The following ANO5 variants were observed in gnomAD, a reference collection of about 807,000 sequenced individuals.
ANO5 encodes anoctamin 5, also known as anoctamin-5.
In ANO5, 109 loss-of-function variants were observed where a neutral mutation model predicts 121.0. That is an observed-to-expected ratio of 0.90 (90% confidence interval 0.77 to 1.06). ANO5 has a LOEUF of 1.06. Among genes scored for constraint, ANO5 ranks in the 50% least tolerant of loss-of-function variants. The pLI is 0.00. For missense variants in ANO5, 1,064 were observed against 1,078.5 expected (o/e 0.99, Z 0.19); for synonymous variants, 406 against 359.9 (o/e 1.13, Z -1.45).
At position 22,251,022 on chromosome 11, in the gene ANO5, A is replaced by T; in HGVS notation, c.1180+11A>T. The T allele has an allele frequency of 6.2e-7, 1 of 1,603,710 alleles. No homozygotes were observed. The highest frequency in any genetic ancestry group is 8.5e-7 in the Non-Finnish European group (1 of 1,174,090). On this transcript the variant is annotated intron_variant, in intron 12 of 21. Coordinates refer to ENST00000324559, the MANE Select transcript of ANO5 (RefSeq NM_213599.3). ...TCATGGGAATTTGGGGTGAGTAAAT[A>T]GTCCCATAAAGAAACAGCTTTCTTC... is the stretch of plus-strand genomic sequence containing the variant.
rs1453462378 is a variant in ANO5, at chr11:22,276,113, C to A, written c.2434C>A (p.Pro812Thr). ...TTTCAGGTACAGAGATTACAGATAT[C>A]CTCCTGATGACGAGAATAAATATTT... The part of the protein sequence containing the change: ...ITCRYRDYRY[P>T]PDDENKYFHN... Residue 812 changes from proline (P) to threonine (T), a missense_variant, in exon 21 of 22, where the codon CCT becomes ACT. By Grantham distance (38) the Pro-to-Thr change is conservative. Coordinates refer to ENST00000324559, the MANE Select transcript of ANO5 (RefSeq NM_213599.3). 1.9e-6 allele frequency: 3 copies of A among 1,608,084 alleles called. No homozygotes were observed. The highest frequency in any genetic ancestry group is 2.7e-5 in the African/African-American group (2 of 74,520).
At chr11:22,228,271 CG>C (rs1338000528) in intron 7 of ANO5, among the ~76,000 whole-genome samples, 6 of 151,496 alleles carry the variant, frequency 4.0e-5, no homozygotes, top group Admixed American at 1.3e-4. Context: ...GTTCAACAAG[CG>C]TTAAGATGTT....
chr11:22,208,544 A>C (rs1852186999), intron 2 of ANO5, among the ~76,000 whole-genome samples: 1 of 152,050 alleles, frequency 6.6e-6, no homozygotes, highest in East Asian at 1.9e-4. Flanking sequence ...AAATGGACAT[A>C]AATTTAAAAG....
rs139344099 is a variant in ANO5 at position 22,250,769 on chromosome 11, G to A, written c.1042G>A (p.Gly348Ser). ...TGAAATCTGTGACCCTGAGATTGGT[G>A]GTCAGATGATCATGTGCCCACTCTG... ...STEICDPEIG[G>S]QMIMCPLCDQ... Residue 348 changes from glycine (G) to serine (S), a missense_variant, in exon 11 of 22, where the codon GGT (glycine) becomes AGT (serine). Coordinates refer to ENST00000324559, the MANE Select transcript of ANO5 (RefSeq NM_213599.3). The A allele has an allele frequency of 2.2e-5, 36 of 1,613,874 alleles. No individual in the cohort carries two copies. The highest frequency in any genetic ancestry group is 2.9e-5 in the Non-Finnish European group (34 of 1,179,942).
intron 17 of ANO5, among the ~76,000 whole-genome samples, chr11:22,269,952 T>G (rs898866131): frequency 1.3e-5 from 2 of 152,220 alleles, no homozygotes; most frequent in Non-Finnish European, 2.9e-5. Flanking sequence ...ATTTCATATT[T>G]GTTTGAATTT....
chr11:22,279,038 G>C (rs544700036), intron 21 of ANO5, among the ~76,000 whole-genome samples: 41 of 151,764 alleles, frequency 2.7e-4, no homozygotes, highest in Non-Finnish European at 5.0e-4. Flanking sequence ...TGGGAGAAAG[G>C]CTCCAAAAAT....
rs746829991 is a variant in ANO5 at position 22,279,586 on chromosome 11, C to T, written c.2563C>T (p.Pro855Ser). The change falls in exon 22 of 22, where the codon CCT (proline) becomes TCT (serine). Residue 855 changes from proline to serine, a missense_variant. Transcript: ENST00000324559. ...LVKFLLAWMI[P>S]DVPKDVVERI... ...TAAATTTTTGCTGGCCTGGATGATA[C>T]CTGATGTTCCAAAAGATGTTGTGGA... The T allele has an allele frequency of 6.8e-6, 11 of 1,612,650 alleles. No homozygotes were observed. The East Asian group carries it at 1.1e-4, about 16-fold the overall frequency.
intron 7 of ANO5, among the ~76,000 whole-genome samples, chr11:22,231,811 G>T (rs1219690707): frequency 6.6e-6 from 1 of 151,908 alleles, no homozygotes; most frequent in African/African-American, 2.4e-5. Flanking sequence ...TGGAGTCCTG[G>T]TTACAATATA....
At chr11:22,228,194 G>C (rs1301177682) in intron 7 of ANO5, among the ~76,000 whole-genome samples, 1 of 151,992 alleles carries the variant, frequency 6.6e-6, no homozygotes, top group African/African-American at 2.4e-5. Flanking sequence ...CCACTTCATA[G>C]GTTACCCAGA....
At chr11:22,249,196 A>G (rs1359816137) in intron 9 of ANO5, among the ~76,000 whole-genome samples, 1 of 152,086 alleles carries the variant, frequency 6.6e-6, no homozygotes, top group Non-Finnish European at 1.5e-5. Context: ...ATTAATATTA[A>G]GAGTGTTGAA....
At chr11:22,276,649 A>T (rs973106433) in intron 21 of ANO5, among the ~76,000 whole-genome samples, 2 of 151,742 alleles carry the variant, frequency 1.3e-5, no homozygotes, top group African/African-American at 4.8e-5. Context: ...TCAATGCCAA[A>T]TGTGCCTCAC....
intron 1 of ANO5, among the ~76,000 whole-genome samples, chr11:22,194,572 C>T (rs1026013506): frequency 4.6e-5 from 7 of 152,084 alleles, no homozygotes; most frequent in Admixed American, 2.0e-4. Context: ...TTTCATCACC[C>T]CAAATAGAAA....
Position 22,281,108 on chromosome 11 carries a change from A to AT in ANO5, c.*1344dup, listed in dbSNP as rs2133816262. On this transcript the variant is annotated 3_prime_UTR_variant, in exon 22 of 22. Transcript: ENST00000324559. ...TTTGTGTATACACACACACACATCT[A>AT]TATATATAATTATTAGCACTAGAGG... 1 of 152,114 alleles carries AT rather than the reference A, an allele frequency of 6.6e-6. No individual in the cohort carries two copies. The highest frequency in any genetic ancestry group is 1.9e-4 in the East Asian group (1 of 5,184). The allele number at this position is 152,114 out of a possible 1,614,324, so 9.4% of individuals were successfully genotyped here. A position where few individuals can be genotyped will look rare whatever the true frequency, so the allele number is the denominator to read the frequency against.
chr11:22,215,251 T>C (rs75178716), intron 3 of ANO5, among the ~76,000 whole-genome samples: 2,828 of 152,074 alleles, frequency 0.019, 152 homozygotes, highest in East Asian at 0.11. Context: ...ATTTAATAAC[T>C]GATATGGCAC....
rs747434413 is a variant in ANO5 at position 22,262,317 on chromosome 11, G to T, written c.1800+19G>T. On this transcript the variant is annotated intron_variant, in intron 16 of 21. Transcript: ENST00000324559. ...TGAAGAGGTAAGAATTTCCTTGAGA[G>T]TTGAGGTGTGTAGCTTCAATACCTC... 34 of 1,611,494 alleles carry T rather than the reference G, an allele frequency of 2.1e-5. No homozygotes were observed. Among genetic ancestry groups the T allele is most frequent in the Non-Finnish European group, 2.6e-5 (31 of 1,178,382 alleles).
chr11:22,223,270 C>T (rs1036886697), intron 5 of ANO5, among the ~76,000 whole-genome samples: 7 of 151,922 alleles, frequency 4.6e-5, no homozygotes, highest in African/African-American at 1.4e-4. Context: ...AAAAGCAAAA[C>T]GAGCAAGGGA....
chr11:22,270,160 C>A, intron 17 of ANO5, 152 bp from the exon 18 acceptor site: 1 of 992,534 alleles, frequency 1.0e-6, no homozygotes, highest in Non-Finnish European at 1.5e-6. Context: ...CAGATTTTGA[C>A]TTGCGCTTTG....
At chr11:22,279,423 C>CGG (rs1854990347) in intron 21 of ANO5, 121 bp from the exon 22 acceptor site, 1 of 798,032 alleles carries the variant, frequency 1.3e-6, no homozygotes, top group African/African-American at 1.7e-5. Flanking sequence ...TATCTTCTTC[C>CGG]TTGCCTTTCT....
chr11:22,246,166 T>C (rs758267237), intron 9 of ANO5, among the ~76,000 whole-genome samples: 4 of 152,184 alleles, frequency 2.6e-5, no homozygotes, highest in African/African-American at 4.8e-5. Flanking sequence ...CAAGAAATAT[T>C]GCTTATCTCA....
Sources: gnomAD v4.1 joint callset for allele counts (sites outside exome capture counted in the v4.1 genomes callset) on GRCh38, gnomAD v4.1.1 for gene constraint, MANE v1.5 for transcripts, NCBI Gene and HGNC (gene_info 2026-07-23, HGNC 2026-07-21) for gene names.